SNTG1: variants seen among roughly 807,000 people sequenced by gnomAD.
SNTG1 encodes the protein syntrophin gamma 1, also known as gamma-1-syntrophin.
A neutral mutation model predicts 74.7 loss-of-function variants in SNTG1; 39 were observed. The ratio of observed to expected loss-of-function variants is 0.52; its 90% CI spans 0.40 to 0.68. The LOEUF (loss-of-function observed/expected upper bound fraction) is 0.68. Among genes scored for constraint, SNTG1 ranks in the 30% least tolerant of loss-of-function variants. The pLI is 0.00. For synonymous variants in SNTG1, 254 were observed against 217.1 expected (o/e 1.17, Z -1.49); for missense variants, 685 against 609.5 (o/e 1.12, Z -1.30).
At chr8:49,939,294 T>G (rs1435884302) in intron 1 of SNTG1, among the ~76,000 whole-genome samples, 1 of 152,240 alleles carries the variant, frequency 6.6e-6, no homozygotes, top group Non-Finnish European at 1.5e-5. Context: ...CTAGTGAATG[T>G]GAGAATCTCT....
intron 2 of SNTG1, among the ~76,000 whole-genome samples, chr8:50,306,536 T>A (rs1246287851): frequency 1.3e-5 from 2 of 152,128 alleles, no homozygotes; most frequent in African/African-American, 2.4e-5. Context: ...TGTTCCTTTT[T>A]TACCACATCC....
At chr8:50,039,938 T>A (rs997530832) in intron 1 of SNTG1, among the ~76,000 whole-genome samples, 1 of 152,100 alleles carries the variant, frequency 6.6e-6, no homozygotes, top group Non-Finnish European at 1.5e-5. Context: ...ACCACAGCCC[T>A]AGTGCACATG....
At position 49,911,561 on chromosome 8, in the gene SNTG1, AAAG is replaced by A. The variant is rs1242560107; in HGVS notation, c.-770_-768del. The A allele has an allele frequency of 1.5e-5, 2 of 131,764 alleles. No individual in the cohort carries two copies. Among genetic ancestry groups the A allele is most frequent in the Admixed American group, 8.7e-5 (1 of 11,530 alleles). The allele number at this position is 131,764 out of a possible 1,614,324, so 8.2% of individuals were successfully genotyped here. On this transcript the variant is annotated 5_prime_UTR_variant, in exon 1 of 19. Coordinates refer to ENST00000642720, the MANE Select transcript of SNTG1 (RefSeq NM_018967.5). ...AACAATTAGCCCCTACAAAAAAAAA[AAAG>A]AAAGAAAAAAGAAAAAAAAAAGAAC... is the stretch of plus-strand genomic sequence containing the variant.
intron 2 of SNTG1, among the ~76,000 whole-genome samples, chr8:50,339,899 CAA>C (rs2091268846): frequency 6.6e-6 from 1 of 151,602 alleles, no homozygotes; most frequent in Non-Finnish European, 1.5e-5. Flanking sequence ...TAAAAATAAA[CAA>C]GAGTAAACTA....
At chr8:50,791,057 T>C (rs942244747) in intron 18 of SNTG1, among the ~76,000 whole-genome samples, 9 of 151,990 alleles carry the variant, frequency 5.9e-5, no homozygotes, top group Admixed American at 4.6e-4. Context: ...CATTTTACAT[T>C]TTCCCAAAAT....
intron 2 of SNTG1, among the ~76,000 whole-genome samples, chr8:50,209,459 G>A (rs1365434221): frequency 6.6e-6 from 1 of 152,154 alleles, no homozygotes; most frequent in Non-Finnish European, 1.5e-5. Flanking sequence ...GCCTAACTGG[G>A]AGACACCTCC....
At chr8:50,780,175 A>G (rs1227216027) in intron 18 of SNTG1, among the ~76,000 whole-genome samples, 1 of 151,864 alleles carries the variant, frequency 6.6e-6, no homozygotes. Flanking sequence ...TTTTTTGGTT[A>G]TGTCTCTGCC....
At chr8:50,707,224 G>T (rs535178587) in intron 16 of SNTG1, among the ~76,000 whole-genome samples, 3 of 151,966 alleles carry the variant, frequency 2.0e-5, no homozygotes, top group Admixed American at 1.3e-4. Context: ...ACACTGCACC[G>T]AATTTATTTT....
intron 13 of SNTG1, among the ~76,000 whole-genome samples, chr8:50,649,563 C>T (rs2095131640): frequency 6.6e-6 from 1 of 152,142 alleles, no homozygotes; most frequent in South Asian, 2.1e-4. Flanking sequence ...TACAGTTACT[C>T]ACCAAAATTT....
chr8:49,925,037 C>T (rs1232766207), intron 1 of SNTG1, among the ~76,000 whole-genome samples: 2 of 151,930 alleles, frequency 1.3e-5, no homozygotes, highest in African/African-American at 2.4e-5. Context: ...CTGGCAGTTA[C>T]AGCTACTCAG....
At chr8:50,196,772 CA>C (rs1390172947) in intron 2 of SNTG1, among the ~76,000 whole-genome samples, 1 of 145,006 alleles carries the variant, frequency 6.9e-6, no homozygotes, top group Non-Finnish European at 1.5e-5. Flanking sequence ...GCCTGGCCAA[CA>C]AGCTGAAACT....
intron 4 of SNTG1, among the ~76,000 whole-genome samples, chr8:50,425,832 G>A (rs572039002): frequency 6.6e-6 from 1 of 152,144 alleles, no homozygotes; most frequent in Non-Finnish European, 1.5e-5. Context: ...AAACACTTAG[G>A]AGATGCAATG....
At chr8:50,550,974 C>A (rs1317241758) in intron 11 of SNTG1, among the ~76,000 whole-genome samples, 1 of 152,000 alleles carries the variant, frequency 6.6e-6, no homozygotes, top group Non-Finnish European at 1.5e-5. Flanking sequence ...CAATCAAGAG[C>A]ATATTGATGG....
chr8:50,079,236 T>G lies in SNTG1; in HGVS notation c.-102-93325T>G, dbSNP rs190642230. 5.7e-3 allele frequency among the ~76,000 whole-genome samples: 873 copies of G among 152,340 alleles called. 5 individuals are homozygous for G. The highest frequency in any genetic ancestry group is 0.01 in the Middle Eastern group (3 of 294). On this transcript the variant is annotated intron_variant, in intron 1 of 18. Transcript: ENST00000642720. ...CCAGCATCTGTTGTTTCCAGACTTT[T>G]TAACGATCGCCATTCTAACTGGTGT...
chr8:50,131,705 A>AAG (rs2081324259), intron 1 of SNTG1, among the ~76,000 whole-genome samples: 1 of 152,134 alleles, frequency 6.6e-6, no homozygotes, highest in Non-Finnish European at 1.5e-5. Flanking sequence ...ATATACTCAG[A>AAG]AGTGGGATTG....
At position 50,596,108 on chromosome 8, in the gene SNTG1, G is replaced by A. The variant is rs535085615; in HGVS notation, c.849+5191G>A. 5.3e-5 allele frequency among the ~76,000 whole-genome samples: 8 copies of A among 152,042 alleles called. No homozygotes were observed. The South Asian group carries it at 8.3e-4, about 16-fold the overall frequency. On this transcript the variant is annotated intron_variant, in intron 13 of 18. Coordinates refer to ENST00000642720, the MANE Select transcript of SNTG1 (RefSeq NM_018967.5). ...ACACTAGCAGGGTAAAGATAATCTC[G>A]TAGATATCCCTATGGTCAGGCTTTT...
intron 17 of SNTG1, among the ~76,000 whole-genome samples, chr8:50,711,543 G>T (rs2131560326): frequency 6.6e-6 from 1 of 152,270 alleles, no homozygotes; most frequent in Admixed American, 6.5e-5. Context: ...GGAAAGAATT[G>T]CTGCATCTCT....
intron 16 of SNTG1, chr8:50,708,630 G>A (rs1322219938): frequency 4.4e-6 from 2 of 457,532 alleles, no homozygotes; most frequent in Admixed American, 3.6e-5. Context: ...GTAGCACAAT[G>A]TACAGACAAA....
intron 2 of SNTG1, among the ~76,000 whole-genome samples, chr8:50,212,236 C>G (rs961516044): frequency 6.6e-6 from 1 of 152,080 alleles, no homozygotes; most frequent in Non-Finnish European, 1.5e-5. Flanking sequence ...AGCTCTGTTG[C>G]CTGGGCAACA....
Sources: allele counts gnomAD v4.1 joint callset (sites outside exome capture counted in the v4.1 genomes callset), GRCh38; gene constraint gnomAD v4.1.1; transcripts MANE v1.5; gene names NCBI Gene and HGNC (gene_info 2026-07-23, HGNC 2026-07-21).